EGFR: variants seen among roughly 807,000 people sequenced by gnomAD.
The protein encoded by EGFR is avian erythroblastic leukemia viral (v-erb-b) oncogene homolog.
EGFR carries 58 observed loss-of-function variants against 143.0 expected under a neutral mutation model. That is an observed-to-expected ratio of 0.41 (90% CI 0.33 to 0.50). The LOEUF (loss-of-function observed/expected upper bound fraction) is 0.50. EGFR is among the 20% of genes least tolerant of loss of function. EGFR has a pLI of 0.39. For missense variants in EGFR, 1,307 were observed against 1,579.0 expected, an observed-to-expected ratio of 0.83 and a Z score of 2.92; for synonymous variants, 613 against 594.4, an observed-to-expected ratio of 1.03 and a Z score of -0.45.
intron 1 of EGFR, among the ~76,000 whole-genome samples, chr7:55,093,478 C>T (rs1281274345): frequency 6.6e-6 from 1 of 152,112 alleles, no homozygotes; most frequent in Non-Finnish European, 1.5e-5. Flanking sequence ...AATTCATGCC[C>T]TCCCTCCCCA....
intron 20 of EGFR, among the ~76,000 whole-genome samples, chr7:55,184,494 A>T (rs1787043868): frequency 6.6e-6 from 1 of 152,212 alleles, no homozygotes; most frequent in Admixed American, 6.5e-5. Context: ...TCTACAAACG[A>T]ATATAATAGT....
In EGFR at chr7:55,036,761, G is replaced by GAAATACAATT. The variant is rs1787607835; in HGVS notation, c.88+17396_88+17397insAAATACAATT. 3.4e-4 allele frequency among the ~76,000 whole-genome samples: 51 copies of GAAATACAATT among 152,130 alleles called. 1 individual carries two copies. Among genetic ancestry groups the GAAATACAATT allele is most frequent in the Admixed American group, 3.3e-3 (51 of 15,266 alleles). On this transcript the variant is annotated intron_variant, in intron 1 of 27. Coordinates refer to ENST00000275493, the MANE Select transcript of EGFR (RefSeq NM_005228.5). ...CTTAATTACAAATTATATAAAAATAGGTTTTGAAATACTGTAGCGACAAAG... is the reference window on the plus strand; with the variant it reads ...CTTAATTACAAATTATATAAAAATAGAAATACAATTGTTTTGAAATACTGTAGCGACAAAG...
chr7:55,116,046 T>A (rs994138797), intron 1 of EGFR, among the ~76,000 whole-genome samples: 7 of 152,220 alleles, frequency 4.6e-5, no homozygotes, highest in Non-Finnish European at 8.8e-5. Flanking sequence ...GCACAACATG[T>A]GGATTCATGG....
At chr7:55,082,006 CT>C (rs1312123839) in intron 1 of EGFR, among the ~76,000 whole-genome samples, 1 of 152,106 alleles carries the variant, frequency 6.6e-6, no homozygotes, top group Non-Finnish European at 1.5e-5. Context: ...GTTTATTTTT[CT>C]TTTTGTTCCT....
chr7:55,161,481 C>T lies in EGFR; in HGVS notation c.1499-18C>T, dbSNP rs1785698784. On this transcript the variant is annotated intron_variant, in intron 12 of 27. Coordinates refer to ENST00000275493, the MANE Select transcript of EGFR (RefSeq NM_005228.5). Reference sequence around the variant, plus strand: ...CCTGCTCTGTCACTGACTGCTGTGACCCACTCTGTCTCCGCAGAGGCCACA... The same window carrying T: ...CCTGCTCTGTCACTGACTGCTGTGATCCACTCTGTCTCCGCAGAGGCCACA... 1.2e-6 allele frequency: 2 copies of T among 1,612,288 alleles called. No homozygotes were observed. The highest frequency in any genetic ancestry group is 1.3e-5 in the African/African-American group (1 of 75,058).
intron 1 of EGFR, among the ~76,000 whole-genome samples, chr7:55,065,830 C>CT (rs35171442): frequency 0.33 from 40,152 of 120,402 alleles, 7,519 homozygotes; most frequent in African/African-American, 0.41. Flanking sequence ...GACTAAGTGG[C>CT]TTTTTTTTTT....
At chr7:55,034,250 TTGAGACAGA>T (rs1458414554) in intron 1 of EGFR, among the ~76,000 whole-genome samples, 1 of 152,236 alleles carries the variant, frequency 6.6e-6, no homozygotes, top group Non-Finnish European at 1.5e-5. Flanking sequence ...TTGTTTTGTA[TTGAGACAGA>T]GTCTCACTTT....
chr7:55,094,320 T>C (rs1459378852), intron 1 of EGFR, among the ~76,000 whole-genome samples: 1 of 152,134 alleles, frequency 6.6e-6, no homozygotes, highest in Admixed American at 6.5e-5. Context: ...TTGTGCAGCC[T>C]GCAGAGCACT....
At position 55,210,535 on chromosome 7, in the gene EGFR, T is replaced by C. The variant is rs896128149; in HGVS notation, c.*4918T>C. The C allele has an allele frequency of 2.0e-5, 3 of 152,222 alleles. No homozygotes were observed. Among genetic ancestry groups the C allele is most frequent in the African/African-American group, 7.2e-5 (3 of 41,462 alleles). 9.4% of individuals were successfully genotyped at this position (152,222 alleles called of 1,614,324 possible). A position where few individuals can be genotyped will look rare whatever the true frequency, so the allele number is the denominator to read the frequency against. ...CCAATGTGCGGCCAAAGTTGAGAACTACTGGCCTAGGGATTAGCCACAAGG... is the reference window on the plus strand; with the variant it reads ...CCAATGTGCGGCCAAAGTTGAGAACCACTGGCCTAGGGATTAGCCACAAGG... On this transcript the variant is annotated 3_prime_UTR_variant, in exon 28 of 28. Transcript: ENST00000275493.
chr7:55,135,002 T>G lies in EGFR; in HGVS notation c.89-7284T>G, dbSNP rs1242578005. 2.0e-5 allele frequency among the ~76,000 whole-genome samples: 3 copies of G among 152,268 alleles called. No homozygotes were observed. The East Asian group carries it at 5.8e-4, about 29-fold the overall frequency. Reference sequence around the variant, plus strand: ...ATCCCATAATGGTACCATCACAATCTTCACACTGTAGAAGTTTGATGATGT... The same window carrying G: ...ATCCCATAATGGTACCATCACAATCGTCACACTGTAGAAGTTTGATGATGT... On this transcript the variant is annotated intron_variant, in intron 1 of 27. Transcript: ENST00000275493.
chr7:55,167,229 TGG>T, intron 15 of EGFR, among the ~76,000 whole-genome samples: 1 of 129,250 alleles, frequency 7.7e-6, no homozygotes, highest in Non-Finnish European at 1.6e-5. Context: ...GTGGTGATGG[TGG>T]TGAGGAGGTG....
At chr7:55,031,225 C>T (rs1283704769) in intron 1 of EGFR, among the ~76,000 whole-genome samples, 7 of 152,248 alleles carry the variant, frequency 4.6e-5, no homozygotes, top group South Asian at 4.1e-4. Flanking sequence ...CCTGTGATGA[C>T]GTATCTCTTG....
intron 1 of EGFR, among the ~76,000 whole-genome samples, chr7:55,037,993 C>T (rs543970365): frequency 3.3e-5 from 5 of 152,262 alleles, no homozygotes; most frequent in African/African-American, 1.2e-4. Context: ...GGTGTTCCGG[C>T]GCCCAGTTAG....
chr7:55,087,965 G>A (rs1790866526), intron 1 of EGFR, among the ~76,000 whole-genome samples: 1 of 152,194 alleles, frequency 6.6e-6, no homozygotes, highest in South Asian at 2.1e-4. Flanking sequence ...GTGTATGTGT[G>A]TTGGTGGCTA....
At chr7:55,154,790 G>A (rs1207055813) in intron 7 of EGFR, among the ~76,000 whole-genome samples, 1 of 152,046 alleles carries the variant, frequency 6.6e-6, no homozygotes, top group African/African-American at 2.4e-5. Flanking sequence ...TAATGAAAGA[G>A]TTTTAGAAGC....
chr7:55,178,935 C>T (rs1786725836), intron 19 of EGFR, among the ~76,000 whole-genome samples: 1 of 152,194 alleles, frequency 6.6e-6, no homozygotes, highest in African/African-American at 2.4e-5. Context: ...TCAACCCTGA[C>T]AGTTTTGAAG....
At position 55,103,248 on chromosome 7, in the gene EGFR, C is replaced by G. The variant is rs6955125; in HGVS notation, c.89-39038C>G. Among the ~76,000 whole-genome samples the G allele has an allele frequency of 5.7e-3, 866 of 152,324 alleles. 8 individuals are homozygous for G. The highest frequency in any genetic ancestry group is 0.02 in the African/African-American group (812 of 41,572). On this transcript the variant is annotated intron_variant, in intron 1 of 27. Coordinates refer to ENST00000275493, the MANE Select transcript of EGFR (RefSeq NM_005228.5). ...AGTTGATGACCTTTCCCAGTCTCTG[C>G]AAGCCCTTCAGTGTGTGTCCTCTCT...
chr7:55,114,526 T>C (rs1431923686), intron 1 of EGFR, among the ~76,000 whole-genome samples: 1 of 152,132 alleles, frequency 6.6e-6, no homozygotes, highest in Non-Finnish European at 1.5e-5. Context: ...TAAAAATACA[T>C]GATGTTTAAT....
At chr7:55,140,923 C>T (rs1175737547) in intron 1 of EGFR, among the ~76,000 whole-genome samples, 2 of 152,198 alleles carry the variant, frequency 1.3e-5, no homozygotes, top group African/African-American at 2.4e-5. Context: ...GCTGTCTGAA[C>T]ATGTGCTCAT....
Sources: allele counts gnomAD v4.1 joint callset (sites outside exome capture counted in the v4.1 genomes callset), GRCh38; gene constraint gnomAD v4.1.1; transcripts MANE v1.5; gene names NCBI Gene and HGNC (gene_info 2026-07-23, HGNC 2026-07-21).